Variants in GDA observed in about 807,000 individuals in gnomAD.
GDA encodes the protein cytoplasmic PSD-95 interactor.
GDA carries 18 observed loss-of-function variants against 59.6 expected under a neutral mutation model. The observed-to-expected ratio is 0.30, with a 90% CI of 0.21 to 0.45. The LOEUF (loss-of-function observed/expected upper bound fraction) is 0.45, where lower values mean the gene tolerates loss of function less well. Ranked by LOEUF, GDA falls within the 20% of genes least tolerant of loss-of-function variation. The pLI, the probability that GDA is intolerant of heterozygous loss-of-function variation, is 1.00. For synonymous variants in GDA, 201 were observed against 201.1 expected (o/e 1.00, Z 0.00); for missense variants, 427 against 552.3 (o/e 0.77, Z 2.27).
At chr9:72,164,818 C>T (rs1410712096) in intron 1 of GDA, among the ~76,000 whole-genome samples, 1 of 150,680 alleles carries the variant, frequency 6.6e-6, no homozygotes, top group Non-Finnish European at 1.5e-5. Flanking sequence ...CCTGTCTCTA[C>T]TAAAAATACA....
At chr9:72,217,916 T>C (rs186217398) in intron 5 of GDA, among the ~76,000 whole-genome samples, 33 of 152,152 alleles carry the variant, frequency 2.2e-4, no homozygotes, top group African/African-American at 7.9e-4. Flanking sequence ...TTATTTTCTA[T>C]TTTTTATTTT....
chr9:72,226,991 G>A (rs1052501321), intron 8 of GDA, among the ~76,000 whole-genome samples: 5 of 152,180 alleles, frequency 3.3e-5, no homozygotes, highest in African/African-American at 9.6e-5. Context: ...GGTGGCAGGC[G>A]CCTGTAGTCC....
intron 1 of GDA, among the ~76,000 whole-genome samples, chr9:72,178,854 C>A (rs1830841088): frequency 6.6e-6 from 1 of 152,066 alleles, no homozygotes; most frequent in Admixed American, 6.6e-5. Context: ...ACATACATTC[C>A]ATTTAGCTTG....
chr9:72,150,337 GCACGCA>G (rs1342620319), intron 1 of GDA, among the ~76,000 whole-genome samples: 56 of 129,424 alleles, frequency 4.3e-4, no homozygotes, highest in African/African-American at 1.3e-3. Context: ...ACACACACAC[GCACGCA>G]CACACACACA....
chr9:72,165,005 A>AG (rs1829119423), intron 1 of GDA, among the ~76,000 whole-genome samples: 1 of 151,038 alleles, frequency 6.6e-6, no homozygotes, highest in Non-Finnish European at 1.5e-5. Flanking sequence ...AAAAAAAAAA[A>AG]TGCTCTGGCT....
rs370750327 is a variant in GDA, at chr9:72,136,771, T to A, written c.-100+21938T>A. On this transcript the variant is annotated intron_variant, in intron 1 of 13. Transcript: ENST00000545168. ...TGGGCGGATCACGAGGTCAGGAGAT[T>A]GACACCATCCTGGCTAACACAGTGA... Among the ~76,000 whole-genome samples the A allele has an allele frequency of 5.3e-5, 8 of 152,218 alleles. No homozygotes were observed. In the South Asian group the frequency reaches 1.0e-3, roughly 20 times the overall value.
intron 1 of GDA, among the ~76,000 whole-genome samples, chr9:72,182,316 T>G (rs545460413): frequency 1.3e-5 from 2 of 152,316 alleles, no homozygotes; most frequent in African/African-American, 4.8e-5. Flanking sequence ...TTTAGTTGCC[T>G]TTCATCTGTA....
chr9:72,197,023 T>G (rs1201116195), intron 2 of GDA, among the ~76,000 whole-genome samples: 1 of 152,202 alleles, frequency 6.6e-6, no homozygotes, highest in Non-Finnish European at 1.5e-5. Context: ...AACACTTTGA[T>G]AACTTGGGAA....
At chr9:72,218,861 A>G (rs1329103290) in intron 5 of GDA, among the ~76,000 whole-genome samples, 1 of 152,208 alleles carries the variant, frequency 6.6e-6, no homozygotes, top group South Asian at 2.1e-4. Context: ...CATTTCTCCA[A>G]ACGGAGCTTG....
upstream of GDA, among the ~76,000 whole-genome samples, chr9:72,144,653 T>C (rs1826557503): frequency 6.6e-6 from 1 of 152,148 alleles, no homozygotes; most frequent in African/African-American, 2.4e-5. Flanking sequence ...TTGAGCCATC[T>C]CTCTATTGTC....
intron 5 of GDA, among the ~76,000 whole-genome samples, chr9:72,217,573 A>G (rs1469027686): frequency 6.6e-6 from 1 of 152,234 alleles, no homozygotes; most frequent in Non-Finnish European, 1.5e-5. Flanking sequence ...AACAAATTAT[A>G]TTTAAAGCCT....
At chr9:72,259,258 T>C (rs548478998), downstream of GDA, among the ~76,000 whole-genome samples, 1 of 152,064 alleles carries the variant, frequency 6.6e-6, no homozygotes, top group Non-Finnish European at 1.5e-5. Flanking sequence ...TTCCTGACCT[T>C]GTGATCCTCC....
intron 1 of GDA, among the ~76,000 whole-genome samples, chr9:72,183,882 G>A (rs888729984): frequency 1.3e-5 from 2 of 152,040 alleles, no homozygotes; most frequent in Non-Finnish European, 2.9e-5. Flanking sequence ...TTTATTAGTG[G>A]TGTCTTCTAC....
intron 8 of GDA, 34 bp from the exon 9 acceptor site, chr9:72,227,909 C>A: frequency 9.0e-7 from 1 of 1,113,136 alleles, no homozygotes; most frequent in Non-Finnish European, 1.4e-6. Flanking sequence ...CATTTGTGAG[C>A]GGTAAACTCC....
chr9:72,190,837 A>T (rs1383642062), intron 1 of GDA, among the ~76,000 whole-genome samples: 1 of 152,092 alleles, frequency 6.6e-6, no homozygotes, highest in East Asian at 1.9e-4. Flanking sequence ...AAATTGTATT[A>T]CACGTTTTGA....
intron 10 of GDA, among the ~76,000 whole-genome samples, chr9:72,240,376 A>T (rs984762099): frequency 6.6e-6 from 1 of 152,210 alleles, no homozygotes; most frequent in African/African-American, 2.4e-5. Flanking sequence ...TTTAAACCAC[A>T]TATTATCTAA....
intron 1 of GDA, among the ~76,000 whole-genome samples, chr9:72,179,402 TATC>T (rs1341754760): frequency 1.3e-5 from 2 of 152,220 alleles, no homozygotes; most frequent in African/African-American, 4.8e-5. Flanking sequence ...ATATGGCAGA[TATC>T]ATTACTTTAT....
rs1390565970 is a variant in GDA, at chr9:72,249,836, CA to C, written c.*1501del. 18 of 953,692 alleles carry C rather than the reference CA, an allele frequency of 1.9e-5. No individual in the cohort carries two copies. Among genetic ancestry groups the C allele is most frequent in the Non-Finnish European group, 2.2e-5 (18 of 801,356 alleles). 59.1% of individuals were successfully genotyped at this position (953,692 alleles called of 1,614,324 possible). A position where few individuals can be genotyped will look rare whatever the true frequency, so the allele number is the denominator to read the frequency against. Reference sequence around the variant, plus strand: ...TATAGCTAACTCCGTATTTACAGAACAAAAAAACACAGTTCCCCCTCCTGTA... The same window carrying C: ...TATAGCTAACTCCGTATTTACAGAACAAAAAACACAGTTCCCCCTCCTGTA... On this transcript the variant is annotated 3_prime_UTR_variant, in exon 14 of 14. Transcript: ENST00000358399.
chr9:72,186,814 A>C (rs1587538728), intron 1 of GDA, among the ~76,000 whole-genome samples: 3 of 152,138 alleles, frequency 2.0e-5, no homozygotes, highest in African/African-American at 7.2e-5. Flanking sequence ...ATACTTACCA[A>C]GTACCAAGTC....
Sources: allele counts gnomAD v4.1 joint callset (sites outside exome capture counted in the v4.1 genomes callset), GRCh38; gene constraint gnomAD v4.1.1; transcripts MANE v1.5; gene names NCBI Gene and HGNC (gene_info 2026-07-23, HGNC 2026-07-21).